ZNF226: variants seen among roughly 807,000 people sequenced by gnomAD.
ZNF226 encodes zinc finger protein 226.
In ZNF226, 6 loss-of-function variants were observed where a neutral mutation model predicts 11.4. That is an observed-to-expected ratio of 0.53 (90% CI 0.29 to 1.04). ZNF226 has a LOEUF of 1.04. Ranked by LOEUF, ZNF226 falls within the 50% of genes least tolerant of loss-of-function variation. The pLI is 0.08. For missense variants in ZNF226, 1,058 were observed against 956.5 expected (o/e 1.11, Z -1.40); for synonymous variants, 350 against 322.8 (o/e 1.08, Z -0.90).
downstream of ZNF226, among the ~76,000 whole-genome samples, chr19:44,181,206 C>G (rs1325617628): frequency 6.6e-6 from 1 of 152,104 alleles, no homozygotes; most frequent in Non-Finnish European, 1.5e-5. Flanking sequence ...TAGTGAGACC[C>G]TGTCTCTCCA....
rs1784717814 is a variant in ZNF226, at chr19:44,176,646, C to G, written c.1384C>G (p.Leu462Val). The G allele has an allele frequency of 6.2e-7, 1 of 1,613,934 alleles. No individual in the cohort carries two copies. Among genetic ancestry groups the G allele is most frequent in the African/African-American group, 1.3e-5 (1 of 74,890 alleles). Residue 462 changes from leucine to valine, a missense_variant, in exon 6 of 6, where the codon CTT (leucine) becomes GTT (valine). Transcript: ENST00000337433. ...TAAAGGCTTTAGTCGGCCTTCAAGT[C>G]TTCAGGCCCATCAGGGAGTTCACAC... is the stretch of plus-strand genomic sequence containing the variant. ...CGKGFSRPSS[L>V]QAHQGVHTGE... is the part of the protein sequence containing the mutation.
chr19:44,165,213 T>TG (rs1187775879), intron 1 of ZNF226, 71 bp downstream of exon 1: 3 of 152,082 alleles, frequency 2.0e-5, no homozygotes, highest in African/African-American at 7.2e-5. Context: ...GTCTTTTGTT[T>TG]GGGGAAAAAA....
chr19:44,173,793 A>G (rs1483001950), intron 5 of ZNF226: 1 of 152,116 alleles, frequency 6.6e-6, no homozygotes, highest in African/African-American at 2.4e-5. Flanking sequence ...TGACCACCCT[A>G]TTAAAAATAC....
rs370154698 is a variant in ZNF226 at position 44,172,970 on chromosome 19, A to G, written c.235+18A>G. ...AAATTTAGGTAAAAACCAAACAGTT[A>G]TGAGTTCTTATAGTTAACTGTCCAT... is the stretch of plus-strand genomic sequence containing the variant. On this transcript the variant is annotated intron_variant, in intron 5 of 5. Coordinates refer to ENST00000337433, the MANE Select transcript of ZNF226 (RefSeq NM_001032373.2). The G allele has an allele frequency of 1.2e-5, 19 of 1,569,216 alleles. No individual in the cohort carries two copies. The highest frequency in any genetic ancestry group is 2.3e-5 in the South Asian group (2 of 85,378).
In ZNF226 at chr19:44,173,282, T is replaced by C. The variant is rs143677937; in HGVS notation, c.235+330T>C. On this transcript the variant is annotated intron_variant, in intron 5 of 5. Transcript: ENST00000337433. ...TCATCCCCCACTACCTCTCTAAATA[T>C]ATCTTCTATACTCTCTTTCTGTGAA... 5 of 409,134 alleles carry C rather than the reference T, an allele frequency of 1.2e-5. No homozygotes were observed. In the East Asian group the frequency reaches 1.5e-4, roughly 12 times the overall value. The allele number at this position is 409,134 out of a possible 1,614,324, so 25.3% of individuals were successfully genotyped here.
rs542539290 is a variant in ZNF226 at position 44,169,948 on chromosome 19, A to G, written c.-46-87A>G. 8.7e-5 allele frequency: 71 copies of G among 816,706 alleles called. No homozygotes were observed. The South Asian group carries it at 1.6e-3, about 18-fold the overall frequency. 50.6% of individuals were successfully genotyped at this position (816,706 alleles called of 1,614,324 possible). A position where few individuals can be genotyped will look rare whatever the true frequency, so the allele number is the denominator to read the frequency against. ...TAAAGCTGCAGCCACCCCAAGAAGC[A>G]CACACCTTTGCTAATTCCTAAAGAG... On this transcript the variant is annotated intron_variant, in intron 2 of 5. Coordinates refer to ENST00000337433, the MANE Select transcript of ZNF226 (RefSeq NM_001032373.2).
At chr19:44,191,173 G>A in the ZNF226 span, among the ~76,000 whole-genome samples, 2 of 152,116 alleles carry the variant, frequency 1.3e-5, no homozygotes, top group African/African-American at 2.4e-5. Flanking sequence ...TTAGAAACTT[G>A]TATTTAAGAG....
chr19:44,166,663 CCTTT>C (rs1427442213), intron 2 of ZNF226: 1 of 152,008 alleles, frequency 6.6e-6, no homozygotes, highest in Non-Finnish European at 1.5e-5. Context: ...TAGTTTAGTG[CCTTT>C]CTGTCAAGTT....
intron 3 of ZNF226, 100 bp from the exon 4 acceptor site, chr19:44,171,988 A>G: frequency 2.0e-6 from 3 of 1,505,796 alleles, no homozygotes; most frequent in Non-Finnish European, 1.8e-6. Flanking sequence ...GAAATCTACA[A>G]ACGGCTGGGC....
At chr19:44,177,691 G>A (rs751093955), downstream of ZNF226, 16 of 1,549,082 alleles carry the variant, frequency 1.0e-5, no homozygotes, top group African/African-American at 2.7e-5. Flanking sequence ...GTGAAGACTC[G>A]TGTCATTTGA....
Position 44,166,670 on chromosome 19 carries a change from G to A in ZNF226, c.-47+863G>A, listed in dbSNP as rs529080581. 4.6e-5 allele frequency: 7 copies of A among 152,180 alleles called. No homozygotes were observed. The East Asian group carries it at 1.3e-3, about 29-fold the overall frequency. 9.4% of individuals were successfully genotyped at this position (152,180 alleles called of 1,614,324 possible). A position where few individuals can be genotyped will look rare whatever the true frequency, so the allele number is the denominator to read the frequency against. ...AACAACTATAGTTTAGTGCCTTTCT[G>A]TCAAGTTTTTCTTGTATATATTTCT... On this transcript the variant is annotated intron_variant, in intron 2 of 5. Transcript: ENST00000337433.
downstream of ZNF226, among the ~76,000 whole-genome samples, chr19:44,180,658 G>T (rs1214994878): frequency 2.6e-5 from 4 of 152,156 alleles, no homozygotes; most frequent in Admixed American, 2.0e-4. Context: ...TTGCTGCAGT[G>T]TCAAAATTTA....
In ZNF226 at chr19:44,177,390, C is replaced by G. The variant is rs541578098; in HGVS notation, c.2128C>G (p.Gln710Glu). Residue 710 changes from glutamine (Q) to glutamate (E), a missense_variant, in exon 6 of 6, where the codon CAG becomes GAG. By Grantham distance (29) the Gln-to-Glu change is conservative. Transcript: ENST00000337433. ...TGGGGAGTGTGGTAAGTACTTCAGTCAGGCCTCAAGTCTTCAACTTCATCA... is the reference window on the plus strand; with the variant it reads ...TGGGGAGTGTGGTAAGTACTTCAGTGAGGCCTCAAGTCTTCAACTTCATCA... ...KCGECGKYFS[Q>E]ASSLQLHQSV... 6.2e-7 allele frequency: 1 copy of G among 1,613,902 alleles called. No individual in the cohort carries two copies. The highest frequency in any genetic ancestry group is 1.1e-5 in the South Asian group (1 of 91,072).
chr19:44,177,713 T>TA, downstream of ZNF226: 1 of 1,529,110 alleles, frequency 6.5e-7, no homozygotes, highest in Non-Finnish European at 8.8e-7. Flanking sequence ...TTCTTCCAGT[T>TA]ATCAAGTCTC....
intron 1 of ZNF226, 66 bp from the exon 2 acceptor site, chr19:44,165,691 C>G (rs1969287263): frequency 2.0e-5 from 3 of 152,128 alleles, no homozygotes; most frequent in Admixed American, 2.0e-4. Flanking sequence ...CTGGGAGATG[C>G]CACTGTGATG....
chr19:44,175,479 G>A lies in ZNF226; in HGVS notation c.236-19G>A, dbSNP rs750964872. ...GAACAAAAAAATTCACTATCTCTCTGAATCCTTTGTCCTTACAGGAGAGAA... is the reference window on the plus strand; with the variant it reads ...GAACAAAAAAATTCACTATCTCTCTAAATCCTTTGTCCTTACAGGAGAGAA... On this transcript the variant is annotated intron_variant, in intron 5 of 5. Transcript: ENST00000337433. The A allele has an allele frequency of 6.5e-7, 1 of 1,549,664 alleles. No homozygotes were observed.
rs1970759841 is a variant in ZNF226 at position 44,177,068 on chromosome 19, T to A, written c.1806T>A (p.Leu602=). ...CGKGFSRRAD[L]KIHCRIHTGE... is the part of the protein sequence containing the mutation. ...AGGGATTTAGTCGTAGAGCAGATCT[T>A]AAAATTCACTGTAGGATCCACACAG... Residue 602 remains leucine, a synonymous_variant, in exon 6 of 6, where the codon CTT becomes CTA. Coordinates refer to ENST00000337433, the MANE Select transcript of ZNF226 (RefSeq NM_001032373.2). The A allele has an allele frequency of 3.1e-6, 5 of 1,614,080 alleles. No individual in the cohort carries two copies. The highest frequency in any genetic ancestry group is 3.4e-6 in the Non-Finnish European group (4 of 1,179,990).
chr19:44,177,082 G>T lies in ZNF226; in HGVS notation c.1820G>T (p.Arg607Met). Residue 607 changes from arginine to methionine, a missense_variant, in exon 6 of 6, where the codon AGG becomes ATG. Transcript: ENST00000337433. ...SRRADLKIHC[R>M]IHTGEKPYNC... is the part of the protein sequence containing the mutation. ...AGAGCAGATCTTAAAATTCACTGTAGGATCCACACAGGAGAGAAACCATAT... is the reference window on the plus strand; with the variant it reads ...AGAGCAGATCTTAAAATTCACTGTATGATCCACACAGGAGAGAAACCATAT... 6.2e-7 allele frequency: 1 copy of T among 1,612,150 alleles called. No individual in the cohort carries two copies. Among genetic ancestry groups the T allele is most frequent in the Non-Finnish European group, 8.5e-7 (1 of 1,179,454 alleles).
At chr19:44,174,912 G>A in intron 5 of ZNF226, 1 of 1,424,928 alleles carries the variant, frequency 7.0e-7, no homozygotes, top group African/African-American at 1.4e-5. Context: ...CTCACTTGGT[G>A]TACCCCTACC....
Sources: allele counts gnomAD v4.1 joint callset (sites outside exome capture counted in the v4.1 genomes callset), GRCh38; gene constraint gnomAD v4.1.1; transcripts MANE v1.5; gene names NCBI Gene and HGNC (gene_info 2026-07-23, HGNC 2026-07-21).